OR51B5: variants seen among roughly 807,000 people sequenced by gnomAD.
OR51B5 encodes the protein olfactory receptor family 51 subfamily B member 5, also known as olfactory receptor 51B5.
For missense variants in OR51B5, 456 were observed against 374.6 expected, an observed-to-expected ratio of 1.22 and a Z score of -1.79; for synonymous variants, 186 against 144.8, an observed-to-expected ratio of 1.28 and a Z score of -2.04.
chr11:5,365,704 T>G (rs1849354038), intron 1 of OR51B5, among the ~76,000 whole-genome samples: 1 of 152,198 alleles, frequency 6.6e-6, no homozygotes, highest in Non-Finnish European at 1.5e-5. Flanking sequence ...CAACCCAAAC[T>G]GATACATTTA....
At chr11:5,390,343 T>C in intron 1 of OR51B5, 1 of 1,610,872 alleles carries the variant, frequency 6.2e-7, no homozygotes, top group Non-Finnish European at 8.5e-7. Context: ...ACCGTGCCAT[T>C]ATCAAGTTCC....
At chr11:5,353,995 G>C (rs79464773) in intron 1 of OR51B5, among the ~76,000 whole-genome samples, 17,396 of 139,564 alleles carry the variant, frequency 0.12, 1,094 homozygotes, top group South Asian at 0.17. Flanking sequence ...CTCTTTTGTA[G>C]CTTCTTGACT....
At position 5,384,369 on chromosome 11, in the gene OR51B5, A is replaced by T. The variant is rs184816732; in HGVS notation, n.85-37459T>A. Among the ~76,000 whole-genome samples, 7 of 152,320 alleles carry T rather than the reference A, an allele frequency of 4.6e-5. No individual in the cohort carries two copies. In the East Asian group the frequency reaches 1.2e-3, roughly 25 times the overall value. On this transcript the variant is annotated intron_variant and non_coding_transcript_variant, in intron 1 of 4. Transcript: ENST00000415970. ...CCTTAGATTTTTCACTTGGAAAATGAAGTCTTAGAAACCAGGGTTCTCACA... is the reference window on the plus strand; with the variant it reads ...CCTTAGATTTTTCACTTGGAAAATGTAGTCTTAGAAACCAGGGTTCTCACA...
chr11:5,396,171 G>A (rs929163819), intron 1 of OR51B5, among the ~76,000 whole-genome samples: 3 of 152,214 alleles, frequency 2.0e-5, no homozygotes, highest in Non-Finnish European at 4.4e-5. Context: ...AGACAGGGAT[G>A]CCCTCTCTCA....
chr11:5,473,189 A>G (rs991874797), intron 1 of OR51B5, among the ~76,000 whole-genome samples: 2 of 152,250 alleles, frequency 1.3e-5, no homozygotes, highest in Admixed American at 6.5e-5. Context: ...AAGAACTATC[A>G]TAAAGACTTG....
intron 1 of OR51B5, among the ~76,000 whole-genome samples, chr11:5,471,436 G>C (rs144713220): frequency 0.012 from 1,752 of 152,144 alleles, 20 homozygotes; most frequent in Non-Finnish European, 0.018. Context: ...AGGAGTTTGA[G>C]ACCAGCCTGG....
chr11:5,373,653 G>C (rs1849477316), intron 1 of OR51B5, among the ~76,000 whole-genome samples: 1 of 152,198 alleles, frequency 6.6e-6, no homozygotes. Flanking sequence ...GACAGGCTTA[G>C]GAAATGGCGC....
chr11:5,356,935 T>G (rs894831314), intron 1 of OR51B5, among the ~76,000 whole-genome samples: 1 of 151,442 alleles, frequency 6.6e-6, no homozygotes, highest in Admixed American at 6.6e-5. Flanking sequence ...CTGAGAGATT[T>G]TGTCATCACC....
intron 1 of OR51B5, among the ~76,000 whole-genome samples, chr11:5,437,540 G>A (rs1850609606): frequency 6.6e-6 from 1 of 152,158 alleles, no homozygotes; most frequent in Non-Finnish European, 1.5e-5. Flanking sequence ...AAGGACCATG[G>A]GTTCAAAATC....
intron 1 of OR51B5, among the ~76,000 whole-genome samples, chr11:5,387,824 A>G (rs1849722345): frequency 6.6e-6 from 1 of 152,066 alleles, no homozygotes. Context: ...TGACTACCCT[A>G]TATAAAATGC....
At chr11:5,422,285 A>G in intron 1 of OR51B5, 1 of 1,614,062 alleles carries the variant, frequency 6.2e-7, no homozygotes, top group East Asian at 2.2e-5. Context: ...CCACATCTGG[A>G]TCTCCATCCC....
chr11:5,402,693 C>T (rs1272722559), intron 1 of OR51B5: 1 of 471,244 alleles, frequency 2.1e-6, no homozygotes, highest in Non-Finnish European at 4.4e-6. Context: ...GATATCCGTC[C>T]CCTTCTCCCT....
In OR51B5 at chr11:5,441,598, CA is replaced by C; in HGVS notation, n.84+63970del. The C allele has an allele frequency of 3.9e-6, 4 of 1,026,104 alleles. No individual in the cohort carries two copies. The South Asian group carries it at 6.0e-5, about 15-fold the overall frequency. The allele number at this position is 1,026,104 out of a possible 1,614,324, so 63.6% of individuals were successfully genotyped here. A position where few individuals can be genotyped will look rare whatever the true frequency, so the allele number is the denominator to read the frequency against. On this transcript the variant is annotated intron_variant and non_coding_transcript_variant, in intron 1 of 4. Coordinates refer to the OR51B5 transcript ENST00000415970. ...TTTCTTTCAGATATCCTGTCTCCAA[CA>C]AAAGGTCATAGATTGAAAATGATTG... is the stretch of plus-strand genomic sequence containing the variant.
Position 5,389,818 on chromosome 11 carries a change from C to T in OR51B5, n.85-42908G>A, listed in dbSNP as rs375607959. 50 of 1,613,848 alleles carry T rather than the reference C, an allele frequency of 3.1e-5. No individual in the cohort carries two copies. The African/African-American group carries it at 5.7e-4, about 19-fold the overall frequency. Reference sequence around the variant, plus strand: ...TTGACCGCCTTGTGGCCATCTGCCACCCTCTGAGGTATTCGGTCATTATCA... The same window carrying T: ...TTGACCGCCTTGTGGCCATCTGCCATCCTCTGAGGTATTCGGTCATTATCA... On this transcript the variant is annotated intron_variant and non_coding_transcript_variant, in intron 1 of 4. Transcript: ENST00000415970.
chr11:5,411,123 C>A (rs1850143145), intron 1 of OR51B5, among the ~76,000 whole-genome samples: 1 of 152,186 alleles, frequency 6.6e-6, no homozygotes, highest in Admixed American at 6.5e-5. Context: ...TTCATCCACT[C>A]ACCACTCACT....
At chr11:5,504,194 T>C (rs1262072031) in intron 1 of OR51B5, among the ~76,000 whole-genome samples, 1 of 152,206 alleles carries the variant, frequency 6.6e-6, no homozygotes, top group Admixed American at 6.5e-5. Context: ...GTTTTGTTTT[T>C]TTAAAGAAAA....
chr11:5,345,529 A>G (rs981472548), upstream of OR51B5, among the ~76,000 whole-genome samples: 2 of 152,184 alleles, frequency 1.3e-5, no homozygotes, highest in African/African-American at 2.4e-5. Flanking sequence ...CATTTACTCA[A>G]AATGGAAGTC....
chr11:5,388,369 G>A (rs1451841228), intron 1 of OR51B5, among the ~76,000 whole-genome samples: 2 of 151,696 alleles, frequency 1.3e-5, no homozygotes, highest in Admixed American at 6.6e-5. Context: ...GAACACATAG[G>A]AGAGGGTATT....
intron 1 of OR51B5, among the ~76,000 whole-genome samples, chr11:5,356,224 T>A (rs917533772): frequency 3.9e-5 from 6 of 152,028 alleles, no homozygotes; most frequent in African/African-American, 1.5e-4. Flanking sequence ...GTTAAAAACC[T>A]TGAAAATAAA....
Sources: allele counts gnomAD v4.1 joint callset (sites outside exome capture counted in the v4.1 genomes callset), GRCh38; gene constraint gnomAD v4.1.1; transcripts MANE v1.5; gene names NCBI Gene and HGNC (gene_info 2026-07-23, HGNC 2026-07-21).